The following KLF12 variants were observed in gnomAD, a reference collection of about 807,000 sequenced individuals.
The protein encoded by KLF12 is KLF transcription factor 12, also known as Krueppel-like factor 12.
Under a neutral mutation model 37.8 loss-of-function variants are expected in KLF12, and 9 were observed. The ratio of observed to expected loss-of-function variants is 0.24; its 90% CI spans 0.14 to 0.42. The LOEUF is 0.42. KLF12 is among the 10% of genes least tolerant of loss of function. The pLI is 1.00. For synonymous variants in KLF12, 208 were observed against 202.1 expected (o/e 1.03, Z -0.25); for missense variants, 411 against 516.0 (o/e 0.80, Z 1.97).
At chr13:74,073,011 G>A (rs1185236376) in intron 1 of KLF12, among the ~76,000 whole-genome samples, 1 of 152,180 alleles carries the variant, frequency 6.6e-6, no homozygotes, top group African/African-American at 2.4e-5. Flanking sequence ...TCTCATGATT[G>A]TGAGTGTCTC....
intron 3 of KLF12, among the ~76,000 whole-genome samples, chr13:73,907,209 C>T (rs1030341370): frequency 6.6e-6 from 1 of 152,142 alleles, no homozygotes; most frequent in African/African-American, 2.4e-5. Context: ...TATGATGGCT[C>T]TTTATTCATT....
chr13:74,243,583 C>T, the KLF12 span, among the ~76,000 whole-genome samples: 3 of 152,158 alleles, frequency 2.0e-5, no homozygotes, highest in Non-Finnish European at 2.9e-5. Flanking sequence ...AGTGTAAAAG[C>T]ATTGCTACTT....
chr13:74,282,323 T>G, the KLF12 span, among the ~76,000 whole-genome samples: 1 of 152,234 alleles, frequency 6.6e-6, no homozygotes, highest in African/African-American at 2.4e-5. Context: ...AGTATGTGAT[T>G]AAGATGATGC....
chr13:73,799,507 C>T lies in KLF12; in HGVS notation c.806+13645G>A, dbSNP rs536133982. On this transcript the variant is annotated intron_variant, in intron 5 of 7. Transcript: ENST00000377669. Reference sequence around the variant, plus strand: ...AATATTTTAATTCAATAACTGTGGGCTTTCACAAACAATTTCCAATTTTAC... The same window carrying T: ...AATATTTTAATTCAATAACTGTGGGTTTTCACAAACAATTTCCAATTTTAC... Among the ~76,000 whole-genome samples, 41 of 151,846 alleles carry T rather than the reference C, an allele frequency of 2.7e-4. No individual in the cohort carries two copies. In the East Asian group the frequency reaches 7.3e-3, roughly 27 times the overall value.
chr13:73,905,770 G>C lies in KLF12; in HGVS notation c.123+38211C>G, dbSNP rs181888475. Among the ~76,000 whole-genome samples, 568 of 149,648 alleles carry C rather than the reference G, an allele frequency of 3.8e-3. 3 individuals carry two copies. The highest frequency in any genetic ancestry group is 6.1e-3 in the Non-Finnish European group (412 of 67,930). On this transcript the variant is annotated intron_variant, in intron 3 of 7. Transcript: ENST00000377669. ...TTTTTTTCACATGAAACATCCATCA[G>C]AAGTTTTTAAATGTTCATGAGGATG...
rs1474478212 is a variant in KLF12, at chr13:73,738,114, TATATATATATACACAC to T, written c.870-22605_870-22590del. Among the ~76,000 whole-genome samples, 73 of 69,142 alleles carry T rather than the reference TATATATATATACACAC, an allele frequency of 1.1e-3. 1 individual carries two copies. The highest frequency in any genetic ancestry group is 6.4e-3 in the South Asian group (17 of 2,670). The allele number at this position is 69,142 out of a possible 152,430, so 45.4% of individuals were successfully genotyped here. ...GTACATATATATATATATATATATA[TATATATATATACACAC>T]ACACACATATATATACACACACACA... On this transcript the variant is annotated intron_variant, in intron 6 of 7. Transcript: ENST00000377669.
chr13:73,955,677 T>C (rs925816026), intron 2 of KLF12, among the ~76,000 whole-genome samples: 32 of 152,250 alleles, frequency 2.1e-4, no homozygotes, highest in Admixed American at 1.8e-3. Flanking sequence ...AGAAATATAC[T>C]GTTTAAGAGA....
At chr13:74,225,444 T>C in the KLF12 span, among the ~76,000 whole-genome samples, 1 of 152,186 alleles carries the variant, frequency 6.6e-6, no homozygotes, top group African/African-American at 2.4e-5. Context: ...TAAATCTCCA[T>C]GAGATTTATT....
chr13:73,927,013 C>A (rs369776774), intron 3 of KLF12, among the ~76,000 whole-genome samples: 1 of 149,882 alleles, frequency 6.7e-6, no homozygotes, highest in Non-Finnish European at 1.5e-5. Context: ...TAAAGTCATA[C>A]GAAATAGCAT....
At chr13:74,126,077 T>A (rs1437214117) in intron 1 of KLF12, among the ~76,000 whole-genome samples, 1 of 152,194 alleles carries the variant, frequency 6.6e-6, no homozygotes. Flanking sequence ...ACAGAAAGCA[T>A]AACATAGTGC....
At chr13:73,927,504 A>G (rs1278205982) in intron 3 of KLF12, among the ~76,000 whole-genome samples, 2 of 152,166 alleles carry the variant, frequency 1.3e-5, no homozygotes, top group Non-Finnish European at 1.5e-5. Flanking sequence ...TTTACTAACA[A>G]GAGTCAGCTC....
intron 1 of KLF12, among the ~76,000 whole-genome samples, chr13:74,113,789 T>A (rs570739955): frequency 6.6e-6 from 1 of 152,328 alleles, no homozygotes; most frequent in African/African-American, 2.4e-5. Flanking sequence ...AAAGATATAC[T>A]TGCCATAGAT....
intron 1 of KLF12, among the ~76,000 whole-genome samples, chr13:74,084,390 T>G (rs1209055568): frequency 6.6e-6 from 1 of 152,218 alleles, no homozygotes; most frequent in African/African-American, 2.4e-5. Context: ...CCTTGACCAT[T>G]GTTCTCATGG....
At chr13:74,137,853 C>T (rs182536939), upstream of KLF12, among the ~76,000 whole-genome samples, 1 of 152,172 alleles carries the variant, frequency 6.6e-6, no homozygotes, top group Non-Finnish European at 1.5e-5. Context: ...CTCCGCCTCC[C>T]GCGTTCAAGC....
intron 3 of KLF12, among the ~76,000 whole-genome samples, chr13:73,903,049 A>G (rs939399694): frequency 3.9e-5 from 6 of 152,248 alleles, no homozygotes; most frequent in South Asian, 2.1e-4. Flanking sequence ...AATTATCTTT[A>G]TAATTATTTT....
intron 3 of KLF12, among the ~76,000 whole-genome samples, chr13:73,889,203 A>G (rs1887378585): frequency 6.6e-6 from 1 of 152,206 alleles, no homozygotes; most frequent in African/African-American, 2.4e-5. Flanking sequence ...AGATATATGT[A>G]CATATAAGAT....
intron 1 of KLF12, among the ~76,000 whole-genome samples, chr13:74,009,369 C>T (rs1358000755): frequency 6.6e-6 from 1 of 152,166 alleles, no homozygotes; most frequent in Non-Finnish European, 1.5e-5. Flanking sequence ...TTCACGGTAA[C>T]CTTGTGAAGA....
At chr13:73,880,132 G>A (rs576627688) in intron 3 of KLF12, among the ~76,000 whole-genome samples, 10 of 152,066 alleles carry the variant, frequency 6.6e-5, no homozygotes, top group South Asian at 2.1e-4. Context: ...ACTCTCCACC[G>A]TGCACAAAGA....
the KLF12 span, among the ~76,000 whole-genome samples, chr13:74,157,565 A>G: frequency 3.3e-4 from 50 of 152,320 alleles, no homozygotes; most frequent in Admixed American, 1.4e-3. Flanking sequence ...TACTAGAGTG[A>G]AAGAAGGGGA....
Sources: gnomAD v4.1 joint callset for allele counts (sites outside exome capture counted in the v4.1 genomes callset) on GRCh38, gnomAD v4.1.1 for gene constraint, MANE v1.5 for transcripts, NCBI Gene and HGNC (gene_info 2026-07-23, HGNC 2026-07-21) for gene names.